TENT5D: variants seen among roughly 807,000 people sequenced by gnomAD.
TENT5D encodes the protein cancer/testis antigen 112.
For missense variants in TENT5D, 191 were observed against 287.0 expected (o/e 0.67, Z 2.42); for synonymous variants, 103 against 100.6 (o/e 1.02, Z -0.15).
chrX:80,369,131 T>A (rs1930569245), intron 3 of TENT5D, among the ~76,000 whole-genome samples: 1 of 111,932 alleles, frequency 8.9e-6, no homozygotes, highest in African/African-American at 3.2e-5. Context: ...TGATATCAGG[T>A]ACAAGTGACT....
intron 3 of TENT5D, among the ~76,000 whole-genome samples, chrX:80,375,971 A>G (rs1239700640): frequency 1.8e-5 from 2 of 111,492 alleles, no homozygotes; most frequent in African/African-American, 6.5e-5. Context: ...TTTCATTTTT[A>G]TTTGATTGAA....
intron 3 of TENT5D, among the ~76,000 whole-genome samples, chrX:80,358,284 G>A (rs1450857084): frequency 9.0e-6 from 1 of 110,809 alleles, no homozygotes. Context: ...AACACCAAAA[G>A]CAATGGCAAC....
intron 3 of TENT5D, among the ~76,000 whole-genome samples, chrX:80,394,321 T>A (rs2147539898): frequency 9.5e-6 from 1 of 105,171 alleles, no homozygotes; most frequent in East Asian, 2.9e-4. Context: ...TGTTGAGCAG[T>A]TTTTTTTTTT....
At chrX:80,374,439 A>G (rs144683167) in intron 3 of TENT5D, among the ~76,000 whole-genome samples, 118 of 111,064 alleles carry the variant, frequency 1.1e-3, no homozygotes, top group African/African-American at 3.6e-3. Context: ...CAATTGTTGA[A>G]CTAATTTACT....
intron 3 of TENT5D, among the ~76,000 whole-genome samples, chrX:80,407,606 C>T (rs1454267561): frequency 2.8e-5 from 3 of 106,360 alleles, no homozygotes; most frequent in Admixed American, 9.9e-5. Context: ...TAAAGCAAGT[C>T]CTGAGTGACC....
chrX:80,343,436 C>T (rs1190306828), intron 3 of TENT5D, among the ~76,000 whole-genome samples: 5 of 87,385 alleles, frequency 5.7e-5, no homozygotes, highest in African/African-American at 2.2e-4. Context: ...TCACTCTTGT[C>T]GCCCTGGCTG....
chrX:80,442,923 C>A (rs374685215), exon 3 of TENT5D: 2 of 1,211,085 alleles, frequency 1.7e-6, no homozygotes, highest in East Asian at 5.9e-5. Flanking sequence ...TCATGAAAGA[C>A]GCTTACGTAC....
chrX:80,362,407 C>T (rs994511641), intron 3 of TENT5D, among the ~76,000 whole-genome samples: 1 of 111,869 alleles, frequency 8.9e-6, no homozygotes, highest in African/African-American at 3.2e-5. Context: ...TCGTGATCTG[C>T]CTGCCTCGGC....
intron 3 of TENT5D, among the ~76,000 whole-genome samples, chrX:80,371,514 CT>C (rs993536018): frequency 8.9e-6 from 1 of 111,969 alleles, no homozygotes; most frequent in African/African-American, 3.2e-5. Flanking sequence ...CAATAGAAGG[CT>C]TTTTCATCTA....
At chrX:80,395,148 C>T (rs1297962295) in intron 3 of TENT5D, among the ~76,000 whole-genome samples, 2 of 111,903 alleles carry the variant, frequency 1.8e-5, no homozygotes, top group Non-Finnish European at 3.8e-5. Context: ...GCTTATTTTA[C>T]TTAATGTAAG....
chrX:80,386,241 C>A (rs1168601434), intron 3 of TENT5D, among the ~76,000 whole-genome samples: 1 of 111,760 alleles, frequency 8.9e-6, no homozygotes, highest in Non-Finnish European at 1.9e-5. Flanking sequence ...TACTATGCAG[C>A]CATAAAAAAG....
In TENT5D at chrX:80,411,902, G is replaced by A. The variant is rs562021782; in HGVS notation, c.-141-26708G>A. 3.0e-4 allele frequency among the ~76,000 whole-genome samples: 33 copies of A among 111,821 alleles called. No individual in the cohort carries two copies. In the East Asian group the frequency reaches 3.4e-3, roughly 12 times the overall value. ...ACCATTCTGGGGTTTGGAGGATGGT[G>A]GCCATCTTCTCACAGCTCCACTAGG... On this transcript the variant is annotated intron_variant, in intron 3 of 4. Transcript: ENST00000538312.
intron 3 of TENT5D, among the ~76,000 whole-genome samples, chrX:80,408,092 A>G (rs1404908088): frequency 9.1e-6 from 1 of 109,641 alleles, no homozygotes; most frequent in African/African-American, 3.3e-5. Flanking sequence ...TCTGGGACAC[A>G]TTCAAAGCAG....
At chrX:80,347,313 AT>A (rs1930083604) in intron 3 of TENT5D, among the ~76,000 whole-genome samples, 1 of 111,703 alleles carries the variant, frequency 9.0e-6, no homozygotes, top group South Asian at 3.7e-4. Context: ...AAGCATTCCT[AT>A]TTCTCCACAT....
intron 3 of TENT5D, among the ~76,000 whole-genome samples, chrX:80,399,215 G>A (rs948686168): frequency 1.8e-5 from 2 of 111,638 alleles, no homozygotes; most frequent in African/African-American, 6.5e-5. Context: ...TTTCTCCCGT[G>A]TTTTTCTACT....
intron 1 of TENT5D, among the ~76,000 whole-genome samples, chrX:80,438,351 T>C (rs1932219823): frequency 9.1e-6 from 1 of 109,595 alleles, no homozygotes; most frequent in Admixed American, 9.7e-5. Context: ...TGCTCTAAAA[T>C]AGTGGTTGTC....
chrX:80,383,447 AG>A (rs1930918406), intron 3 of TENT5D, among the ~76,000 whole-genome samples: 1 of 112,330 alleles, frequency 8.9e-6, no homozygotes. Context: ...TATAGCCACC[AG>A]GTCACTGAAT....
chrX:80,373,653 CCTT>C (rs1194044267), intron 3 of TENT5D, among the ~76,000 whole-genome samples: 9 of 110,730 alleles, frequency 8.1e-5, no homozygotes, highest in Non-Finnish European at 1.5e-4. Context: ...CTTGGTTAAT[CCTT>C]CTCTCCTGAT....
At chrX:80,340,934 CTT>C (rs1222997550) in intron 2 of TENT5D, among the ~76,000 whole-genome samples, 1 of 112,332 alleles carries the variant, frequency 8.9e-6, no homozygotes, top group Non-Finnish European at 1.9e-5. Flanking sequence ...TCAGCCCACT[CTT>C]TTTCAGGATT....
Sources: gnomAD v4.1 joint callset for allele counts (sites outside exome capture counted in the v4.1 genomes callset) on GRCh38, gnomAD v4.1.1 for gene constraint, MANE v1.5 for transcripts, NCBI Gene and HGNC (gene_info 2026-07-23, HGNC 2026-07-21) for gene names.